The following NALF2 variants were observed in gnomAD, a reference collection of about 807,000 sequenced individuals.
NALF2 encodes the protein NALCN channel auxiliary factor 2.
A neutral mutation model predicts 24.8 loss-of-function variants in NALF2; 1 was observed. That is an observed-to-expected ratio of 0.04 (90% CI 0.01 to 0.19). NALF2 has a LOEUF of 0.19. Among genes scored for constraint, NALF2 ranks in the 10% least tolerant of loss-of-function variants. The pLI is 1.00. For missense variants in NALF2, 458 were observed against 409.6 expected (o/e 1.12, Z -1.02); for synonymous variants, 254 against 189.8 (o/e 1.34, Z -2.78).
chrX:69,517,379 T>C (rs1345974895), intron 1 of NALF2, among the ~76,000 whole-genome samples: 1 of 111,714 alleles, frequency 9.0e-6, no homozygotes, highest in Non-Finnish European at 1.9e-5. Flanking sequence ...GGACAAGTTA[T>C]TTAAACTCTT....
chrX:69,523,977 C>T (rs979783158), intron 1 of NALF2, among the ~76,000 whole-genome samples: 8 of 111,956 alleles, frequency 7.1e-5, no homozygotes, highest in African/African-American at 2.3e-4. Context: ...GGTTCTCAAC[C>T]GTGGCTGCAT....
At position 69,505,900 on chromosome X, in the gene NALF2, C is replaced by T. The variant is rs2147707215; in HGVS notation, c.618C>T (p.Asp206=). The change falls in exon 1 of 3, where the codon GAC becomes GAT. Residue 206 remains aspartate (D), a synonymous_variant. Transcript: ENST00000252338. ...LSFCDTYTVW[D]LLLGMDRPDS... ...TTTGCGACACCTACACGGTCTGGGA[C>T]TTGCTGCTGGGCATGGACCGCCCCG... is the stretch of plus-strand genomic sequence containing the variant. 8.3e-7 allele frequency: 1 copy of T among 1,211,656 alleles called. No homozygotes were observed. The highest frequency in any genetic ancestry group is 1.7e-5 in the African/African-American group (1 of 57,713).
At chrX:69,507,543 G>A (rs1297074090) in intron 1 of NALF2, among the ~76,000 whole-genome samples, 1 of 110,890 alleles carries the variant, frequency 9.0e-6, no homozygotes, top group African/African-American at 3.3e-5. Context: ...CCACCACCCC[G>A]GGCAAAGTCA....
rs777054224 is a variant in NALF2 at position 69,528,860 on chromosome X, C to G, written c.862-133C>G. On this transcript the variant is annotated intron_variant, in intron 1 of 2. Transcript: ENST00000252338. ...GTGGCCTTGATCCAAGCCCTTCTTCCTCTCTACCCCCTGGATCTTGGGGTT... is the reference window on the plus strand; with the variant it reads ...GTGGCCTTGATCCAAGCCCTTCTTCGTCTCTACCCCCTGGATCTTGGGGTT... 5 of 578,602 alleles carry G rather than the reference C, an allele frequency of 8.6e-6. No individual in the cohort carries two copies. The East Asian group carries it at 1.6e-4, about 18-fold the overall frequency. 47.7% of individuals were successfully genotyped at this position (578,602 alleles called of 1,213,427 possible). A position where few individuals can be genotyped will look rare whatever the true frequency, so the allele number is the denominator to read the frequency against.
intron 1 of NALF2, among the ~76,000 whole-genome samples, chrX:69,523,756 G>T (rs1326947808): frequency 5.4e-5 from 6 of 111,614 alleles, no homozygotes; most frequent in Non-Finnish European, 7.5e-5. Context: ...AGAGGACAGG[G>T]CATAATTGGA....
At chrX:69,520,920 T>C (rs1167459719) in intron 1 of NALF2, among the ~76,000 whole-genome samples, 3 of 112,133 alleles carry the variant, frequency 2.7e-5, no homozygotes, top group African/African-American at 9.7e-5. Context: ...GGAATTGTCT[T>C]GTAACTGATC....
chrX:69,506,149 G>A lies in NALF2; in HGVS notation c.861+6G>A, dbSNP rs375133651. ...CCTGCACGAAAGGCTGTAAGGTAAG[G>A]ACTGGCTTCCGCAGCCACAGCAGCC... On this transcript the variant is annotated splice_donor_region_variant and intron_variant, in intron 1 of 2. Transcript: ENST00000252338. The A allele has an allele frequency of 1.4e-5, 17 of 1,196,658 alleles. No homozygotes were observed. Among genetic ancestry groups the A allele is most frequent in the South Asian group, 1.8e-5 (1 of 54,190 alleles).
chrX:69,518,674 A>C (rs1930695671), intron 1 of NALF2, among the ~76,000 whole-genome samples: 1 of 112,057 alleles, frequency 8.9e-6, no homozygotes, highest in Admixed American at 9.5e-5. Context: ...TGTAGCTTAT[A>C]AAGCTTTTAA....
rs1930468341 is a variant in NALF2, at chrX:69,505,849, C to G, written c.567C>G (p.Gly189=). The change falls in exon 1 of 3, where the codon GGC becomes GGG. Residue 189 remains glycine, a synonymous_variant. Transcript: ENST00000252338. ...FPSAKKNLLK[G]HFRNFTLSFC... ...CCGCCAAAAAAAACTTGCTCAAAGG[C>G]CACTTTCGGAACTTCACTCTCTCCT... is the stretch of plus-strand genomic sequence containing the variant. 1.7e-6 allele frequency: 2 copies of G among 1,211,572 alleles called. No homozygotes were observed. Among genetic ancestry groups the G allele is most frequent in the East Asian group, 5.9e-5 (2 of 33,794 alleles).
At position 69,518,545 on chromosome X, in the gene NALF2, T is replaced by TTTCTTGTTTTCTTGTATATTA. The variant is rs1436736429; in HGVS notation, c.862-10448_862-10447insTTCTTGTTTTCTTGTATATTA. ...TCAATATTTCTAAATGGTATGCTAATATTGCTATTTCTTGTTTTTTTCTGT... is the reference window on the plus strand; with the variant it reads ...TCAATATTTCTAAATGGTATGCTAATTTCTTGTTTTCTTGTATATTAATTGCTATTTCTTGTTTTTTTCTGT... On this transcript the variant is annotated intron_variant, in intron 1 of 2. Transcript: ENST00000252338. Among the ~76,000 whole-genome samples, 425 of 111,567 alleles carry TTTCTTGTTTTCTTGTATATTA rather than the reference T, an allele frequency of 3.8e-3. 2 individuals are homozygous for TTTCTTGTTTTCTTGTATATTA. Among genetic ancestry groups the TTTCTTGTTTTCTTGTATATTA allele is most frequent in the Non-Finnish European group, 5.8e-3 (309 of 53,090 alleles).
At chrX:69,520,554 T>C (rs1012298184) in intron 1 of NALF2, among the ~76,000 whole-genome samples, 7 of 111,851 alleles carry the variant, frequency 6.3e-5, no homozygotes, top group Non-Finnish European at 1.3e-4. Flanking sequence ...CAAGCCTTTA[T>C]GCAGACCCTC....
At chrX:69,529,281 G>A in intron 2 of NALF2, 117 bp downstream of exon 2, 1 of 875,582 alleles carries the variant, frequency 1.1e-6, no homozygotes, top group Admixed American at 3.6e-5. Flanking sequence ...AAGGCCAGTG[G>A]CTGGACGAAT....
At chrX:69,515,244 A>G (rs1382305874) in intron 1 of NALF2, among the ~76,000 whole-genome samples, 2 of 112,141 alleles carry the variant, frequency 1.8e-5, no homozygotes, top group East Asian at 5.6e-4. Context: ...CCACTGCCTG[A>G]GGTCCCTGAT....
rs1025475889 is a variant in NALF2, at chrX:69,504,921, C to G, written c.-362C>G. Among the ~76,000 whole-genome samples, 142 of 107,219 alleles carry G rather than the reference C, an allele frequency of 1.3e-3. 1 individual carries two copies. Among genetic ancestry groups the G allele is most frequent in the African/African-American group, 4.5e-3 (135 of 30,285 alleles). The allele number at this position is 107,219 out of a possible 115,157, so 93.1% of individuals were successfully genotyped here. A position where few individuals can be genotyped will look rare whatever the true frequency, so the allele number is the denominator to read the frequency against. On this transcript the variant is annotated 5_prime_UTR_variant, in exon 1 of 3. Coordinates refer to ENST00000252338, the MANE Select transcript of NALF2 (RefSeq NM_015686.3). ...GCCGCCGGCGCGGAGTGAAGTGGCA[C>G]GGAGCCGAGGGCAGCTGAGGGGCCC...
chrX:69,506,274 C>T (rs1930485675), intron 1 of NALF2, 131 bp downstream of exon 1: 1 of 680,516 alleles, frequency 1.5e-6, no homozygotes, highest in Non-Finnish European at 2.2e-6. Context: ...TGCAGCACTA[C>T]CAGTGCCACC....
At position 69,531,469 on chromosome X, in the gene NALF2, A is replaced by C. The variant is rs1284765745; in HGVS notation, c.*1513A>C. ...CATCTGAATGCTGATACGAATGGAC[A>C]GGAAAGGGAGCCAGAGCTGTATACC... On this transcript the variant is annotated 3_prime_UTR_variant, in exon 3 of 3. Coordinates refer to ENST00000252338, the MANE Select transcript of NALF2 (RefSeq NM_015686.3). 8.9e-6 allele frequency: 1 copy of C among 112,155 alleles called. No homozygotes were observed. Among genetic ancestry groups the C allele is most frequent in the Non-Finnish European group, 1.9e-5 (1 of 53,242 alleles). The allele number at this position is 112,155 out of a possible 1,213,427, so 9.2% of individuals were successfully genotyped here.
Position 69,505,594 on chromosome X carries a change from C to T in NALF2, c.312C>T (p.Pro104=), listed in dbSNP as rs865948439. Residue 104 remains proline, a synonymous_variant, in exon 1 of 3, where the codon CCC becomes CCT. Coordinates refer to ENST00000252338, the MANE Select transcript of NALF2 (RefSeq NM_015686.3). The part of the protein sequence containing the change: ...RAVLPLPPPP[P]GEPSAPPGTC... ...TGCTGCCGCTGCCGCCGCCGCCGCC[C>T]GGCGAGCCCAGCGCGCCCCCAGGCA... 1 of 1,046,863 alleles carries T rather than the reference C, an allele frequency of 9.6e-7. No homozygotes were observed. The highest frequency in any genetic ancestry group is 1.2e-6 in the Non-Finnish European group (1 of 825,886). 86.3% of individuals were successfully genotyped at this position (1,046,863 alleles called of 1,213,427 possible).
chrX:69,521,179 G>A (rs775456456), intron 1 of NALF2, among the ~76,000 whole-genome samples: 12 of 111,802 alleles, frequency 1.1e-4, no homozygotes, highest in Non-Finnish European at 1.9e-4. Flanking sequence ...CTCTAACTAT[G>A]CTGAACTACC....
rs1930460676 is a variant in NALF2, at chrX:69,505,695, C to T, written c.413C>T (p.Pro138Leu). The change falls in exon 1 of 3, where the codon CCA (proline) becomes CTA (leucine). Residue 138 changes from proline (P) to leucine (L), a missense_variant. Transcript: ENST00000252338. ...AGSRPVCGGV[P>L]EPTGLDAACT... ...TCTCGGCCGGTCTGCGGCGGCGTCC[C>T]AGAGCCCACGGGGCTGGACGCAGCT... 1 of 1,209,964 alleles carries T rather than the reference C, an allele frequency of 8.3e-7. No individual in the cohort carries two copies. Among genetic ancestry groups the T allele is most frequent in the Admixed American group, 2.2e-5 (1 of 46,072 alleles).
Sources: allele counts gnomAD v4.1 joint callset (sites outside exome capture counted in the v4.1 genomes callset), GRCh38; gene constraint gnomAD v4.1.1; transcripts MANE v1.5; gene names NCBI Gene and HGNC (gene_info 2026-07-23, HGNC 2026-07-21).